JAKMIP2: variants seen among roughly 807,000 people sequenced by gnomAD.
JAKMIP2 encodes the protein janus kinase and microtubule interacting protein 2.
JAKMIP2 carries 25 observed loss-of-function variants against 115.0 expected under a neutral mutation model. The observed-to-expected ratio is 0.22, with a 90% CI of 0.16 to 0.30. The LOEUF (loss-of-function observed/expected upper bound fraction) is 0.30. Among genes scored for constraint, JAKMIP2 ranks in the 10% least tolerant of loss-of-function variants. JAKMIP2 has a pLI of 1.00. For missense variants in JAKMIP2, 642 were observed against 957.6 expected (o/e 0.67, Z 4.35); for synonymous variants, 334 against 343.6 (o/e 0.97, Z 0.31).
chr5:147,593,790 G>A (rs1303491869), intron 21 of JAKMIP2, among the ~76,000 whole-genome samples: 1 of 152,116 alleles, frequency 6.6e-6, no homozygotes, highest in African/African-American at 2.4e-5. Context: ...TGGGATGAGA[G>A]CCCCAAATAA....
At chr5:147,635,752 G>A (rs1757583051) in intron 12 of JAKMIP2, among the ~76,000 whole-genome samples, 2 of 152,088 alleles carry the variant, frequency 1.3e-5, no homozygotes, top group East Asian at 1.9e-4. Context: ...GCAGAGACAG[G>A]GTTTCACCAT....
intron 3 of JAKMIP2, among the ~76,000 whole-genome samples, chr5:147,652,159 G>C (rs547989778): frequency 6.6e-6 from 1 of 152,106 alleles, no homozygotes; most frequent in Non-Finnish European, 1.5e-5. Flanking sequence ...CTATTCAGTA[G>C]GTTCAGTCGT....
chr5:147,597,114 C>G (rs2126566172), intron 21 of JAKMIP2, among the ~76,000 whole-genome samples: 1 of 151,416 alleles, frequency 6.6e-6, no homozygotes, highest in Admixed American at 6.6e-5. Context: ...AACTCCTGAC[C>G]TCAGGTGATC....
intron 1 of JAKMIP2, among the ~76,000 whole-genome samples, chr5:147,713,989 T>C (rs1662063007): frequency 6.6e-6 from 1 of 152,194 alleles, no homozygotes; most frequent in South Asian, 2.1e-4. Context: ...GATTGCTATT[T>C]TGCCTACAAG....
chr5:147,709,220 T>C (rs571995493), intron 1 of JAKMIP2, among the ~76,000 whole-genome samples: 51 of 152,286 alleles, frequency 3.3e-4, no homozygotes, highest in Non-Finnish European at 4.7e-4. Context: ...TAAATTACAT[T>C]AGCAGAATTG....
chr5:147,753,418 A>C (rs985119946), intron 1 of JAKMIP2, among the ~76,000 whole-genome samples: 1 of 152,200 alleles, frequency 6.6e-6, no homozygotes, highest in Non-Finnish European at 1.5e-5. Context: ...TGAGTCAGGA[A>C]ATATGAATGT....
chr5:147,739,196 C>T (rs1754046375), intron 1 of JAKMIP2, among the ~76,000 whole-genome samples: 2 of 152,114 alleles, frequency 1.3e-5, no homozygotes, highest in African/African-American at 4.8e-5. Flanking sequence ...TTGAGTCAGA[C>T]TCTCACCAAG....
At chr5:147,609,112 G>C (rs1337893968) in intron 20 of JAKMIP2, among the ~76,000 whole-genome samples, 1 of 152,014 alleles carries the variant, frequency 6.6e-6, no homozygotes, top group Middle Eastern at 3.2e-3. Flanking sequence ...ACACTAATGG[G>C]TTTTGACTTT....
At chr5:147,640,956 A>G (rs1757855491) in intron 8 of JAKMIP2, 133 bp from the exon 9 acceptor site, 1 of 692,724 alleles carries the variant, frequency 1.4e-6, no homozygotes, top group African/African-American at 1.9e-5. Flanking sequence ...TTGTTGAAAT[A>G]AAAACATTAG....
At chr5:147,676,514 A>C (rs569054015) in intron 1 of JAKMIP2, among the ~76,000 whole-genome samples, 2 of 152,186 alleles carry the variant, frequency 1.3e-5, no homozygotes, top group Admixed American at 1.3e-4. Flanking sequence ...GCTTTACAAC[A>C]TAAAAAACTT....
At chr5:147,762,332 G>A (rs542835286) in intron 1 of JAKMIP2, among the ~76,000 whole-genome samples, 9 of 151,930 alleles carry the variant, frequency 5.9e-5, no homozygotes, top group East Asian at 1.9e-4. Context: ...ACTCTTATTC[G>A]TGTAATTTTC....
chr5:147,731,476 CAAT>C (rs1392113607), intron 1 of JAKMIP2, among the ~76,000 whole-genome samples: 1 of 152,154 alleles, frequency 6.6e-6, no homozygotes, highest in Admixed American at 6.5e-5. Context: ...GAAGGATTCT[CAAT>C]GAGGCTTTTG....
At chr5:147,676,977 A>G (rs1760002552) in intron 1 of JAKMIP2, among the ~76,000 whole-genome samples, 1 of 152,354 alleles carries the variant, frequency 6.6e-6, no homozygotes, top group East Asian at 1.9e-4. Context: ...ATTCTGATGT[A>G]GTAATTGGCA....
At chr5:147,767,196 G>A (rs539894637) in intron 1 of JAKMIP2, among the ~76,000 whole-genome samples, 168 of 152,178 alleles carry the variant, frequency 1.1e-3, no homozygotes, top group Non-Finnish European at 2.0e-3. Context: ...ACGCGTGCAC[G>A]CACACACACA....
At chr5:147,669,605 G>A (rs1429972091) in intron 2 of JAKMIP2, among the ~76,000 whole-genome samples, 1 of 152,130 alleles carries the variant, frequency 6.6e-6, no homozygotes, top group Non-Finnish European at 1.5e-5. Flanking sequence ...TCCCAGTCTC[G>A]AGATTGACAA....
intron 1 of JAKMIP2, among the ~76,000 whole-genome samples, chr5:147,766,086 T>G (rs1755145431): frequency 6.6e-6 from 1 of 152,164 alleles, no homozygotes. Flanking sequence ...TCACCCAACC[T>G]TGGGTTATGA....
At chr5:147,678,788 T>G (rs1416585420) in intron 1 of JAKMIP2, among the ~76,000 whole-genome samples, 2 of 152,098 alleles carry the variant, frequency 1.3e-5, no homozygotes, top group African/African-American at 4.8e-5. Flanking sequence ...GTACTTCATT[T>G]ATGTATATAC....
intron 1 of JAKMIP2, among the ~76,000 whole-genome samples, chr5:147,758,323 G>A (rs1754817926): frequency 6.6e-6 from 1 of 152,102 alleles, no homozygotes; most frequent in Non-Finnish European, 1.5e-5. Context: ...ATAGCTAAAT[G>A]CAAATGAAGG....
In JAKMIP2 at chr5:147,587,961, A is replaced by T. The variant is rs1754943907; in HGVS notation, c.*3746T>A. 1 of 151,950 alleles carries T rather than the reference A, an allele frequency of 6.6e-6. No individual in the cohort carries two copies. Among genetic ancestry groups the T allele is most frequent in the African/African-American group, 2.4e-5 (1 of 41,392 alleles). 9.4% of individuals were successfully genotyped at this position (151,950 alleles called of 1,614,324 possible). On this transcript the variant is annotated 3_prime_UTR_variant, in exon 22 of 22. Coordinates refer to ENST00000616793, the MANE Select transcript of JAKMIP2 (RefSeq NM_001270941.2). The stretch of plus-strand genomic sequence containing the variant: ...ATTTGTGGGCCAAAAAAAAAAAAAA[A>T]AATTAAATCAAGATCTATTCTTCCA...
Sources: gnomAD v4.1 joint callset for allele counts (sites outside exome capture counted in the v4.1 genomes callset) on GRCh38, gnomAD v4.1.1 for gene constraint, MANE v1.5 for transcripts, NCBI Gene and HGNC (gene_info 2026-07-23, HGNC 2026-07-21) for gene names.